The following SLC3A1 variants were observed in gnomAD, a reference collection of about 807,000 sequenced individuals.
SLC3A1 encodes amino acid transporter heavy chain SLC3A1.
Under a neutral mutation model 60.3 loss-of-function variants are expected in SLC3A1, and 78 were observed. That is an observed-to-expected ratio of 1.29 (90% CI 1.08 to 1.56). The LOEUF is 1.56. SLC3A1 is among the 40% of genes most tolerant of loss of function. The pLI is 0.00. For synonymous variants in SLC3A1, 392 were observed against 307.9 expected, an observed-to-expected ratio of 1.27 and a Z score of -2.86; for missense variants, 1,172 against 858.9, an observed-to-expected ratio of 1.36 and a Z score of -4.56.
chr2:44,307,716 G>C (rs748239563), intron 7 of SLC3A1, among the ~76,000 whole-genome samples: 16 of 152,016 alleles, frequency 1.1e-4, no homozygotes, highest in Non-Finnish European at 7.4e-5. Context: ...TTGTTTAGTT[G>C]TAAGAATTCC....
At chr2:44,287,855 T>C (rs1035451758) in intron 4 of SLC3A1, among the ~76,000 whole-genome samples, 1 of 152,152 alleles carries the variant, frequency 6.6e-6, no homozygotes, top group Non-Finnish European at 1.5e-5. Context: ...ATAGAGTGGA[T>C]GCAAGCTGTC....
intron 4 of SLC3A1, among the ~76,000 whole-genome samples, chr2:44,296,754 C>G (rs947751653): frequency 2.6e-5 from 4 of 152,170 alleles, no homozygotes; most frequent in African/African-American, 9.7e-5. Context: ...TGTCCTCACC[C>G]CAGTCTCATC....
chr2:44,300,138 C>A (rs1277703999), intron 5 of SLC3A1, 48 bp downstream of exon 5: 20 of 1,596,248 alleles, frequency 1.3e-5, no homozygotes, highest in Non-Finnish European at 1.5e-5. Flanking sequence ...CTGAAAATGT[C>A]ATCAGAGTGT....
intron 9 of SLC3A1, chr2:44,316,429 G>C: frequency 6.6e-6 from 1 of 152,018 alleles, no homozygotes; most frequent in Non-Finnish European, 1.5e-5. Context: ...TGATCCAGGG[G>C]CTTGTCCAGA....
chr2:44,313,811 T>TAA lies in SLC3A1; in HGVS notation c.1501-24_1501-23insAA, dbSNP rs759847766. 1.9e-6 allele frequency: 3 copies of TAA among 1,556,746 alleles called. No individual in the cohort carries two copies. The African/African-American group carries it at 4.1e-5, about 21-fold the overall frequency. ...TCTTCTAATAACCAAACCACTGTTT[T>TAA]CCCTTTCTGGTCTTTTGACATAGAA... On this transcript the variant is annotated intron_variant, in intron 8 of 9. Transcript: ENST00000260649.
At chr2:44,307,367 T>C (rs1672184108) in intron 7 of SLC3A1, among the ~76,000 whole-genome samples, 1 of 152,176 alleles carries the variant, frequency 6.6e-6, no homozygotes, top group Non-Finnish European at 1.5e-5. Context: ...GTGGAATTGC[T>C]CCACTGGGCA....
chr2:44,300,983 T>G lies in SLC3A1; in HGVS notation c.1012-20T>G. On this transcript the variant is annotated intron_variant, in intron 5 of 9. Transcript: ENST00000260649. ...GCAATGTATGAAATGAGGGTAACCA[T>G]GTCGTCCTGGTTTTCAAAGGACACG... is the stretch of plus-strand genomic sequence containing the variant. 6.2e-7 allele frequency: 1 copy of G among 1,613,510 alleles called. No individual in the cohort carries two copies. Among genetic ancestry groups the G allele is most frequent in the Non-Finnish European group, 8.5e-7 (1 of 1,179,972 alleles).
At chr2:44,288,038 T>G in intron 4 of SLC3A1, among the ~76,000 whole-genome samples, 1 of 152,126 alleles carries the variant, frequency 6.6e-6, no homozygotes, top group East Asian at 1.9e-4. Flanking sequence ...TGAACTTTTT[T>G]TTTTTTTTTG....
intron 4 of SLC3A1, among the ~76,000 whole-genome samples, chr2:44,298,918 T>A (rs893343243): frequency 2.0e-5 from 3 of 152,136 alleles, no homozygotes; most frequent in Non-Finnish European, 2.9e-5. Flanking sequence ...TGGAAGAAAG[T>A]CTGTCACCAA....
rs907225823 is a variant in SLC3A1, at chr2:44,313,635, T to C, written c.1501-200T>C. On this transcript the variant is annotated intron_variant, in intron 8 of 9. Transcript: ENST00000260649. ...TAGTATTGTCTATTCAAACTCAAAA[T>C]GTTATTAGGTACTTTCTAGTTAAAA... Among the ~76,000 whole-genome samples, 14 of 152,240 alleles carry C rather than the reference T, an allele frequency of 9.2e-5. 1 individual carries two copies. The highest frequency in any genetic ancestry group is 2.1e-4 in the South Asian group (1 of 4,834).
intron 4 of SLC3A1, among the ~76,000 whole-genome samples, chr2:44,286,863 A>G (rs1390598397): frequency 2.0e-5 from 3 of 150,182 alleles, no homozygotes; most frequent in Admixed American, 6.7e-5. Context: ...TGTCTGTGAC[A>G]GTGAGCTGCT....
At chr2:44,307,441 A>C (rs1398712139) in intron 7 of SLC3A1, among the ~76,000 whole-genome samples, 1 of 152,112 alleles carries the variant, frequency 6.6e-6, no homozygotes, top group Non-Finnish European at 1.5e-5. Flanking sequence ...TAGTTACTCC[A>C]TTTTACATTC....
intron 1 of SLC3A1, among the ~76,000 whole-genome samples, chr2:44,277,355 C>T (rs754809085): frequency 2.6e-5 from 4 of 151,992 alleles, no homozygotes; most frequent in African/African-American, 4.8e-5. Flanking sequence ...GATTTGCCCC[C>T]CCTTGGCCTC....
intron 9 of SLC3A1, chr2:44,318,154 G>T: frequency 2.3e-6 from 1 of 438,394 alleles, no homozygotes; most frequent in Non-Finnish European, 4.6e-6. Flanking sequence ...GCAGTGGCGT[G>T]ATCTCGGCAC....
chr2:44,322,219 G>A (rs1305469802), downstream of SLC3A1, among the ~76,000 whole-genome samples: 1 of 152,128 alleles, frequency 6.6e-6, no homozygotes, highest in Non-Finnish European at 1.5e-5. Context: ...CTACAGCAAT[G>A]GATGGGGGTG....
At position 44,321,452 on chromosome 2, in the gene SLC3A1, G is replaced by C. The variant is rs781459763; in HGVS notation, c.*813G>C. 1.2e-6 allele frequency: 2 copies of C among 1,609,798 alleles called. No homozygotes were observed. The highest frequency in any genetic ancestry group is 4.5e-5 in the East Asian group (2 of 44,790). Reference sequence around the variant, plus strand: ...ATTTAATTTGGGCTGTAATCTAAAAGAAACACATTAAAAAAATTAAATAGA... The same window carrying C: ...ATTTAATTTGGGCTGTAATCTAAAACAAACACATTAAAAAAATTAAATAGA... On this transcript the variant is annotated 3_prime_UTR_variant, in exon 10 of 10. Coordinates refer to ENST00000260649, the MANE Select transcript of SLC3A1 (RefSeq NM_000341.4).
chr2:44,310,631 G>A (rs530677295), intron 7 of SLC3A1, among the ~76,000 whole-genome samples: 5 of 151,956 alleles, frequency 3.3e-5, no homozygotes, highest in African/African-American at 1.2e-4. Flanking sequence ...CCTACTTGGA[G>A]TTCATTGAGG....
chr2:44,301,102 T>C lies in SLC3A1; in HGVS notation c.1111T>C (p.Tyr371His), dbSNP rs112085106. ...VRSFRQTMDQ[Y>H]STEPGRYRFM... ...CAGCTTCCGGCAGACCATGGACCAA[T>C]ACAGCACGGAGCCCGGCAGATACAG... is the stretch of plus-strand genomic sequence containing the variant. The change falls in exon 6 of 10, where the codon TAC becomes CAC. Residue 371 changes from tyrosine (Y) to histidine (H), a missense_variant. Transcript: ENST00000260649. 7.4e-6 allele frequency: 12 copies of C among 1,613,412 alleles called. No homozygotes were observed. In the African/African-American group the frequency reaches 8.1e-5, roughly 11 times the overall value.
chr2:44,275,689 C>G lies in SLC3A1; in HGVS notation c.154C>G (p.Leu52Val). 6.2e-7 allele frequency: 1 copy of G among 1,614,156 alleles called. No individual in the cohort carries two copies. The highest frequency in any genetic ancestry group is 8.5e-7 in the Non-Finnish European group (1 of 1,179,994). ...DNLKHSTRGI[L>V]GSQEPDFKGV... ...CCTGAAGCACAGCACCAGGGGCATC[C>G]TTGGCTCCCAGGAGCCCGACTTCAA... Residue 52 changes from leucine to valine, a missense_variant, in exon 1 of 10, where the codon CTT becomes GTT. Coordinates refer to ENST00000260649, the MANE Select transcript of SLC3A1 (RefSeq NM_000341.4).
Sources: gnomAD v4.1 joint callset for allele counts (sites outside exome capture counted in the v4.1 genomes callset) on GRCh38, gnomAD v4.1.1 for gene constraint, MANE v1.5 for transcripts, NCBI Gene and HGNC (gene_info 2026-07-23, HGNC 2026-07-21) for gene names.